Variants in PHLPP1 observed in about 807,000 individuals in gnomAD.
The protein encoded by PHLPP1 is PH domain and leucine rich repeat protein phosphatase 1, also known as PH domain leucine-rich repeat-containing protein phosphatase 1.
A neutral mutation model predicts 117.2 loss-of-function variants in PHLPP1; 42 were observed. That is an observed-to-expected ratio of 0.36 (90% confidence interval 0.28 to 0.46). The LOEUF (loss-of-function observed/expected upper bound fraction) is 0.46. Among genes scored for constraint, PHLPP1 ranks in the 20% least tolerant of loss-of-function variants. The pLI, the probability that PHLPP1 is intolerant of heterozygous loss-of-function variation, is 1.00. For missense variants in PHLPP1, 2,084 were observed against 2,241.9 expected (o/e 0.93, Z 1.42); for synonymous variants, 1,042 against 970.7 (o/e 1.07, Z -1.37).
At chr18:62,793,975 T>C (rs1913544789) in intron 1 of PHLPP1, among the ~76,000 whole-genome samples, 1 of 152,244 alleles carries the variant, frequency 6.6e-6, no homozygotes, top group African/African-American at 2.4e-5. Flanking sequence ...TTGTTGTTGC[T>C]ATCCACATAT....
intron 13 of PHLPP1, among the ~76,000 whole-genome samples, chr18:62,959,528 G>A (rs773520072): frequency 3.2e-4 from 48 of 152,146 alleles, no homozygotes; most frequent in Non-Finnish European, 6.0e-4. Flanking sequence ...AGTATTATGG[G>A]TAGTGTTTAT....
intron 4 of PHLPP1, among the ~76,000 whole-genome samples, chr18:62,861,436 A>G (rs1290948146): frequency 1.3e-5 from 2 of 152,164 alleles, no homozygotes; most frequent in Non-Finnish European, 2.9e-5. Flanking sequence ...GAAGAGAGGG[A>G]CTTGACTTGC....
chr18:62,764,163 C>CAAAA (rs34939800), intron 1 of PHLPP1, among the ~76,000 whole-genome samples: 9 of 79,190 alleles, frequency 1.1e-4, no homozygotes, highest in East Asian at 3.8e-4. Flanking sequence ...AACTCCATCT[C>CAAAA]AAAAAAAAAA....
At chr18:62,806,652 C>T (rs890259446) in intron 1 of PHLPP1, among the ~76,000 whole-genome samples, 4 of 152,150 alleles carry the variant, frequency 2.6e-5, no homozygotes, top group Non-Finnish European at 5.9e-5. Flanking sequence ...TGTGTGTACA[C>T]TCCTTTCTGT....
At chr18:62,758,470 A>G (rs1228056115) in intron 1 of PHLPP1, among the ~76,000 whole-genome samples, 1 of 152,204 alleles carries the variant, frequency 6.6e-6, no homozygotes, top group Non-Finnish European at 1.5e-5. Context: ...GTTTCTTTAG[A>G]TAAAAGCAAA....
At chr18:62,856,299 T>C (rs1408127024) in intron 3 of PHLPP1, among the ~76,000 whole-genome samples, 1 of 152,098 alleles carries the variant, frequency 6.6e-6, no homozygotes, top group Non-Finnish European at 1.5e-5. Flanking sequence ...CCAGAGTCCT[T>C]ACAAGGCCTG....
Position 62,900,433 on chromosome 18 carries a change from C to CTTTTTTTTTT in PHLPP1, c.2445-2512_2445-2503dup, listed in dbSNP as rs774225759. On this transcript the variant is annotated intron_variant, in intron 6 of 16. Transcript: ENST00000262719. ...GTATTCTTGTTTTTTCTTTTTCTTT[C>CTTTTTTTTTT]TTTTTTTTTTTTTTTTTTTTTTTTT... Among the ~76,000 whole-genome samples, 21 of 54,264 alleles carry CTTTTTTTTTT rather than the reference C, an allele frequency of 3.9e-4. 4 individuals carry two copies. Among genetic ancestry groups the CTTTTTTTTTT allele is most frequent in the South Asian group, 2.2e-3 (3 of 1,340 alleles). The allele number at this position is 54,264 out of a possible 152,430, so 35.6% of individuals were successfully genotyped here.
At chr18:62,950,077 C>A (rs1052464661) in intron 12 of PHLPP1, among the ~76,000 whole-genome samples, 2 of 152,110 alleles carry the variant, frequency 1.3e-5, no homozygotes, top group South Asian at 2.1e-4. Flanking sequence ...AGTGTTGATA[C>A]CTGCGGTGAA....
At chr18:62,854,693 CTTTTTTTTTT>C (rs5825495) in intron 3 of PHLPP1, among the ~76,000 whole-genome samples, 1 of 85,018 alleles carries the variant, frequency 1.2e-5, no homozygotes, top group East Asian at 3.4e-4. Context: ...GATCCTGCTA[CTTTTTTTTTT>C]TTTTTTTTTT....
At chr18:62,804,851 A>G (rs952863636) in intron 1 of PHLPP1, among the ~76,000 whole-genome samples, 1 of 148,818 alleles carries the variant, frequency 6.7e-6, no homozygotes, top group Non-Finnish European at 1.5e-5. Context: ...AGTATAATAT[A>G]CACTATATAT....
chr18:62,797,817 G>A (rs1913669411), intron 1 of PHLPP1, among the ~76,000 whole-genome samples: 1 of 152,256 alleles, frequency 6.6e-6, no homozygotes, highest in East Asian at 1.9e-4. Flanking sequence ...GCCGGGGAGA[G>A]AGGTTGATTA....
intron 2 of PHLPP1, among the ~76,000 whole-genome samples, chr18:62,830,648 C>G (rs1050710133): frequency 1.3e-5 from 2 of 152,132 alleles, no homozygotes; most frequent in Non-Finnish European, 2.9e-5. Context: ...AGGTCTTATT[C>G]AGTTCCTGTT....
chr18:62,755,008 C>T (rs1013857308), intron 1 of PHLPP1, among the ~76,000 whole-genome samples: 5 of 152,160 alleles, frequency 3.3e-5, no homozygotes, highest in African/African-American at 1.2e-4. Flanking sequence ...ATATGTGTCT[C>T]CAGGACCACA....
chr18:62,894,300 A>C (rs1209161115), intron 4 of PHLPP1, among the ~76,000 whole-genome samples: 1 of 152,104 alleles, frequency 6.6e-6, no homozygotes, highest in Non-Finnish European at 1.5e-5. Flanking sequence ...GGTTCAAGTG[A>C]TTCTTGTGCC....
Position 62,716,477 on chromosome 18 carries a change from C to T in PHLPP1, c.794C>T (p.Pro265Leu). ...GCCCGGGAGCCCGCTGAACCGCCCC[C>T]CGAGGCCGGCCCCCGGCTGGCGCCC... ...AAAREPAEPP[P>L]EAGPRLAPPE... Residue 265 changes from proline (P) to leucine (L), a missense_variant, in exon 1 of 17, where the codon CCC (proline) becomes CTC (leucine). Transcript: ENST00000262719. This position sits in a 1 kb window ranked among gnomAD's most constrained non-coding sequence, Gnocchi z 5.7. 8.1e-7 allele frequency: 1 copy of T among 1,229,362 alleles called. No homozygotes were observed. Among genetic ancestry groups the T allele is most frequent in the Non-Finnish European group, 1.0e-6 (1 of 988,096 alleles). The allele number at this position is 1,229,362 out of a possible 1,614,324, so 76.2% of individuals were successfully genotyped here. A position where few individuals can be genotyped will look rare whatever the true frequency, so the allele number is the denominator to read the frequency against.
intron 3 of PHLPP1, among the ~76,000 whole-genome samples, chr18:62,842,646 G>A (rs887994265): frequency 5.9e-5 from 9 of 152,182 alleles, no homozygotes; most frequent in Non-Finnish European, 2.9e-5. Context: ...TTACAGGCGT[G>A]AGCCACCGTG....
At chr18:62,743,749 G>C (rs554747879) in intron 1 of PHLPP1, among the ~76,000 whole-genome samples, 3 of 151,978 alleles carry the variant, frequency 2.0e-5, no homozygotes, top group Admixed American at 6.6e-5. Flanking sequence ...CGCCTCTCCA[G>C]CTCTTCTTCC....
chr18:62,917,828 GA>G (rs529513599), intron 9 of PHLPP1, among the ~76,000 whole-genome samples: 2,259 of 139,638 alleles, frequency 0.016, 51 homozygotes, highest in African/African-American at 0.055. Context: ...AAAAGAAAAA[GA>G]AAAAAAAAAA....
intron 6 of PHLPP1, among the ~76,000 whole-genome samples, chr18:62,897,893 T>C (rs976326731): frequency 7.9e-5 from 12 of 152,378 alleles, no homozygotes; most frequent in African/African-American, 2.9e-4. Flanking sequence ...GGGCCACTTT[T>C]ATTCAATTTT....
Sources: gnomAD v4.1 joint callset for allele counts (sites outside exome capture counted in the v4.1 genomes callset) on GRCh38, gnomAD v4.1.1 for gene constraint, Gnocchi (gnomAD v3.1) non-coding constraint, MANE v1.5 for transcripts, NCBI Gene and HGNC (gene_info 2026-07-23, HGNC 2026-07-21) for gene names.